Variants in SCHIP1 observed in about 807,000 individuals in gnomAD.
SCHIP1 encodes the protein schwannomin-interacting protein 1.
SCHIP1 carries 8 observed loss-of-function variants against 29.7 expected under a neutral mutation model. The ratio of observed to expected loss-of-function variants is 0.27; its 90% CI spans 0.16 to 0.49. SCHIP1 has a LOEUF of 0.49. Ranked by LOEUF, SCHIP1 falls within the 20% of genes least tolerant of loss-of-function variation. SCHIP1 has a pLI of 0.99. For missense variants in SCHIP1, 193 were observed against 294.6 expected (o/e 0.66, Z 2.52); for synonymous variants, 76 against 94.9 (o/e 0.80, Z 1.16).
chr3:159,348,797 A>C, the SCHIP1 span, among the ~76,000 whole-genome samples: 2 of 152,188 alleles, frequency 1.3e-5, no homozygotes, highest in Admixed American at 6.6e-5. Context: ...TAAGCAAAGG[A>C]GCTATGCAAT....
chr3:159,467,377 G>T, the SCHIP1 span, among the ~76,000 whole-genome samples: 1 of 151,736 alleles, frequency 6.6e-6, no homozygotes, highest in Non-Finnish European at 1.5e-5. Context: ...CATGATTATG[G>T]TTATCCCCTT....
the SCHIP1 span, among the ~76,000 whole-genome samples, chr3:159,383,013 T>A: frequency 1.3e-5 from 2 of 150,484 alleles, no homozygotes; most frequent in African/African-American, 4.9e-5. Flanking sequence ...ATTAGCCCTT[T>A]GTCAGATGAG....
At chr3:159,687,120 A>G in the SCHIP1 span, among the ~76,000 whole-genome samples, 1 of 152,040 alleles carries the variant, frequency 6.6e-6, no homozygotes, top group Non-Finnish European at 1.5e-5. Flanking sequence ...TGGCTGGGCT[A>G]CCCTCTGGAG....
chr3:159,523,898 C>T, the SCHIP1 span, among the ~76,000 whole-genome samples: 1 of 152,220 alleles, frequency 6.6e-6, no homozygotes, highest in Non-Finnish European at 1.5e-5. Flanking sequence ...TCCTCAAATT[C>T]AGAACTGCAT....
chr3:159,712,809 AAAAG>A, the SCHIP1 span, among the ~76,000 whole-genome samples: 7 of 151,390 alleles, frequency 4.6e-5, no homozygotes, highest in Non-Finnish European at 7.4e-5. Context: ...GAGAGAAAGA[AAAAG>A]AAAGAAAGAA....
chr3:159,560,508 A>G, the SCHIP1 span, among the ~76,000 whole-genome samples: 337 of 152,222 alleles, frequency 2.2e-3, 2 homozygotes, highest in African/African-American at 7.7e-3. Context: ...TGGGTTTTCT[A>G]ATAGCTGGTA....
the SCHIP1 span, among the ~76,000 whole-genome samples, chr3:159,441,452 C>G: frequency 3.6e-4 from 55 of 152,076 alleles, no homozygotes; most frequent in African/African-American, 1.1e-3. Context: ...GTAATTTGCA[C>G]AAGCCAAGCA....
At chr3:159,477,226 T>C in the SCHIP1 span, among the ~76,000 whole-genome samples, 3 of 152,226 alleles carry the variant, frequency 2.0e-5, no homozygotes, top group African/African-American at 7.2e-5. Flanking sequence ...CCTTGGCTAT[T>C]GTGAATAATG....
At chr3:159,746,991 C>T in the SCHIP1 span, among the ~76,000 whole-genome samples, 1 of 152,164 alleles carries the variant, frequency 6.6e-6, no homozygotes, top group East Asian at 1.9e-4. Flanking sequence ...TTACTATGCC[C>T]ACCCTAATAC....
the SCHIP1 span, among the ~76,000 whole-genome samples, chr3:159,390,740 C>T: frequency 2.6e-5 from 4 of 152,244 alleles, no homozygotes; most frequent in East Asian, 1.9e-4. Context: ...CATTTGGCCA[C>T]ATGTGGGTTA....
the SCHIP1 span, among the ~76,000 whole-genome samples, chr3:159,323,433 T>G: frequency 6.6e-6 from 1 of 152,208 alleles, no homozygotes; most frequent in East Asian, 1.9e-4. Context: ...TTTTTTAGAA[T>G]TTGTGGGTTT....
At chr3:159,772,902 G>A in the SCHIP1 span, among the ~76,000 whole-genome samples, 1 of 151,990 alleles carries the variant, frequency 6.6e-6, no homozygotes, top group Non-Finnish European at 1.5e-5. Flanking sequence ...CACCATGCCC[G>A]GCTAATTTTT....
the SCHIP1 span, among the ~76,000 whole-genome samples, chr3:159,641,051 G>A: frequency 6.6e-6 from 1 of 151,994 alleles, no homozygotes; most frequent in Non-Finnish European, 1.5e-5. Flanking sequence ...CCTAAATTAG[G>A]GTATCCAACA....
chr3:159,500,447 C>T, the SCHIP1 span, among the ~76,000 whole-genome samples: 3 of 152,270 alleles, frequency 2.0e-5, no homozygotes, highest in African/African-American at 7.2e-5. Context: ...GGCATGTTGG[C>T]TCACGCCTGT....
At chr3:159,497,400 T>C in the SCHIP1 span, among the ~76,000 whole-genome samples, 1 of 151,986 alleles carries the variant, frequency 6.6e-6, no homozygotes, top group Admixed American at 6.6e-5. Flanking sequence ...TAAGTGTTTA[T>C]TGAGGGCCTA....
the SCHIP1 span, among the ~76,000 whole-genome samples, chr3:159,807,720 C>T: frequency 2.6e-5 from 4 of 151,962 alleles, no homozygotes; most frequent in African/African-American, 4.8e-5. Context: ...TTAATTTTGC[C>T]AAGAAAAAAA....
At chr3:159,497,460 T>A in the SCHIP1 span, among the ~76,000 whole-genome samples, 1 of 151,838 alleles carries the variant, frequency 6.6e-6, no homozygotes, top group Non-Finnish European at 1.5e-5. Context: ...TCTCACTTAA[T>A]CTTCAAAACC....
chr3:159,649,541 CA>C, the SCHIP1 span, among the ~76,000 whole-genome samples: 5 of 150,890 alleles, frequency 3.3e-5, no homozygotes, highest in Admixed American at 6.6e-5. Flanking sequence ...TAATGTCCAT[CA>C]AAAAAAAGTC....
At chr3:159,886,271 G>A in exon 3 of SCHIP1, 1 of 1,614,194 alleles carries the variant, frequency 6.2e-7, no homozygotes, top group Non-Finnish European at 8.5e-7. Flanking sequence ...TAAGGACAGT[G>A]ATGCTGATGA....
Sources: gnomAD v4.1 joint callset for allele counts (sites outside exome capture counted in the v4.1 genomes callset) on GRCh38, gnomAD v4.1.1 for gene constraint, MANE v1.5 for transcripts, NCBI Gene and HGNC (gene_info 2026-07-23, HGNC 2026-07-21) for gene names.